The following CYP7B1 variants were observed in gnomAD, a reference collection of about 807,000 sequenced individuals.
The protein encoded by CYP7B1 is cytochrome P450 family 7 subfamily B member 1.
In CYP7B1, 29 loss-of-function variants were observed where a neutral mutation model predicts 42.7. The ratio of observed to expected loss-of-function variants is 0.68; its 90% CI spans 0.51 to 0.93. The LOEUF is 0.93. Ranked by LOEUF, CYP7B1 falls within the 40% of genes least tolerant of loss-of-function variation. The probability of loss-of-function intolerance (pLI) is 0.00; values close to 1 mark genes in which losing one functional copy is unlikely to be tolerated. For synonymous variants in CYP7B1, 235 were observed against 218.2 expected, an observed-to-expected ratio of 1.08 and a Z score of -0.68; for missense variants, 655 against 600.5, an observed-to-expected ratio of 1.09 and a Z score of -0.95.
chr8:64,690,050 A>T (rs1007179036), intron 1 of CYP7B1, among the ~76,000 whole-genome samples: 2 of 152,138 alleles, frequency 1.3e-5, no homozygotes, highest in Non-Finnish European at 2.9e-5. Context: ...AAATAAATCA[A>T]TTATTTTATG....
chr8:64,590,832 A>G (rs1288007456), downstream of CYP7B1, among the ~76,000 whole-genome samples: 1 of 152,156 alleles, frequency 6.6e-6, no homozygotes, highest in Non-Finnish European at 1.5e-5. Flanking sequence ...AGGACAATAA[A>G]GAGACATAAT....
At chr8:64,775,520 T>G (rs1804309830) in intron 1 of CYP7B1, among the ~76,000 whole-genome samples, 2 of 152,202 alleles carry the variant, frequency 1.3e-5, no homozygotes, top group Admixed American at 1.3e-4. Context: ...TATTACTTGT[T>G]GATGACCTAC....
chr8:64,770,092 T>C (rs1804196311), intron 1 of CYP7B1, among the ~76,000 whole-genome samples: 1 of 152,160 alleles, frequency 6.6e-6, no homozygotes, highest in Non-Finnish European at 1.5e-5. Context: ...AATGCATCCC[T>C]AAAAGCCATA....
intron 5 of CYP7B1, among the ~76,000 whole-genome samples, chr8:64,603,266 C>T (rs1359601287): frequency 2.0e-5 from 3 of 152,130 alleles, no homozygotes; most frequent in Admixed American, 6.6e-5. Context: ...TGATTTTTAA[C>T]TTTGAGTTTT....
At chr8:64,687,125 TA>T (rs1352603416) in intron 1 of CYP7B1, among the ~76,000 whole-genome samples, 1 of 139,996 alleles carries the variant, frequency 7.1e-6, no homozygotes, top group Non-Finnish European at 1.6e-5. Flanking sequence ...GAATTATCAA[TA>T]AAAAAATAAA....
At chr8:64,662,424 A>G (rs1045184817) in intron 1 of CYP7B1, among the ~76,000 whole-genome samples, 1 of 152,206 alleles carries the variant, frequency 6.6e-6, no homozygotes, top group Non-Finnish European at 1.5e-5. Context: ...AATGCTTTCC[A>G]TGATCTAATT....
intron 1 of CYP7B1, among the ~76,000 whole-genome samples, chr8:64,750,062 C>A (rs1807704449): frequency 6.6e-6 from 1 of 152,204 alleles, no homozygotes; most frequent in South Asian, 2.1e-4. Flanking sequence ...TTTAGCCATA[C>A]AATCTGTAAT....
At chr8:64,606,447 A>G (rs1805284126) in intron 4 of CYP7B1, among the ~76,000 whole-genome samples, 1 of 152,214 alleles carries the variant, frequency 6.6e-6, no homozygotes, top group South Asian at 2.1e-4. Context: ...TAGCAATGCT[A>G]TTCACTCAAC....
chr8:64,772,592 G>A (rs1408944184), intron 1 of CYP7B1, among the ~76,000 whole-genome samples: 1 of 152,052 alleles, frequency 6.6e-6, no homozygotes, highest in African/African-American at 2.4e-5. Context: ...GTTTTCTTAT[G>A]CACACACAGG....
chr8:64,649,338 G>A (rs1184870669), intron 1 of CYP7B1, among the ~76,000 whole-genome samples: 1 of 152,094 alleles, frequency 6.6e-6, no homozygotes, highest in African/African-American at 2.4e-5. Flanking sequence ...GCTTATTTTT[G>A]TTAATATAAA....
chr8:64,784,547 G>C (rs1182057827), intron 1 of CYP7B1, among the ~76,000 whole-genome samples: 1 of 152,128 alleles, frequency 6.6e-6, no homozygotes, highest in East Asian at 1.9e-4. Context: ...CAAGCACCTA[G>C]TATGTATCTG....
chr8:64,724,090 C>T (rs892690372), intron 1 of CYP7B1, among the ~76,000 whole-genome samples: 2 of 149,528 alleles, frequency 1.3e-5, no homozygotes, highest in African/African-American at 2.5e-5. Flanking sequence ...TAGAAAGGAA[C>T]GGGGTTGGGG....
chr8:64,686,110 C>A (rs1209502340), intron 1 of CYP7B1, among the ~76,000 whole-genome samples: 4 of 102,906 alleles, frequency 3.9e-5, no homozygotes, highest in Admixed American at 8.9e-5. Flanking sequence ...GTGGGGGGGT[C>A]AGCCCTCCGC....
At chr8:64,748,272 T>A (rs1429000681) in intron 1 of CYP7B1, among the ~76,000 whole-genome samples, 2 of 152,184 alleles carry the variant, frequency 1.3e-5, no homozygotes, top group South Asian at 4.1e-4. Flanking sequence ...CATCTTTAAA[T>A]GCACACAGAC....
Position 64,595,348 on chromosome 8 carries a change from T to C in CYP7B1, c.*1294A>G, listed in dbSNP as rs996807641. On this transcript the variant is annotated 3_prime_UTR_variant, in exon 6 of 6. Coordinates refer to ENST00000310193, the MANE Select transcript of CYP7B1 (RefSeq NM_004820.5). ...TGTTATTTTTAAAGTCAGTTTCCTT[T>C]TCTCAAAACAGTAGCAGATTTCTGA... is the stretch of plus-strand genomic sequence containing the variant. Among the ~76,000 whole-genome samples, 1 of 152,256 alleles carries C rather than the reference T, an allele frequency of 6.6e-6. No homozygotes were observed. Among genetic ancestry groups the C allele is most frequent in the Non-Finnish European group, 1.5e-5 (1 of 68,046 alleles).
intron 1 of CYP7B1, among the ~76,000 whole-genome samples, chr8:64,741,595 GGCA>G (rs1395058679): frequency 2.6e-5 from 4 of 152,194 alleles, no homozygotes; most frequent in African/African-American, 9.7e-5. Flanking sequence ...TGGGATTACA[GGCA>G]TGAGCCATCG....
chr8:64,598,050 A>C (rs1029111550), intron 5 of CYP7B1, among the ~76,000 whole-genome samples: 1 of 152,150 alleles, frequency 6.6e-6, no homozygotes, highest in African/African-American at 2.4e-5. Context: ...ATTTCCTTTA[A>C]AACTATTAGG....
At chr8:64,791,835 G>A (rs1804623460) in intron 1 of CYP7B1, among the ~76,000 whole-genome samples, 1 of 152,184 alleles carries the variant, frequency 6.6e-6, no homozygotes, top group South Asian at 2.1e-4. Flanking sequence ...TGGGTAATGG[G>A]CAAATGCTAA....
At chr8:64,606,219 T>C (rs1175726492) in intron 4 of CYP7B1, among the ~76,000 whole-genome samples, 9 of 152,210 alleles carry the variant, frequency 5.9e-5, no homozygotes, top group Non-Finnish European at 1.2e-4. Flanking sequence ...TTGTTGGTGA[T>C]GAGGCCAGAA....
Sources: gnomAD v4.1 joint callset for allele counts (sites outside exome capture counted in the v4.1 genomes callset) on GRCh38, gnomAD v4.1.1 for gene constraint, MANE v1.5 for transcripts, NCBI Gene and HGNC (gene_info 2026-07-23, HGNC 2026-07-21) for gene names.